UTP23: variants seen among roughly 807,000 people sequenced by gnomAD.
The protein encoded by UTP23 is rRNA-processing protein UTP23 homolog.
In UTP23, 10 loss-of-function variants were observed where a neutral mutation model predicts 19.8. The ratio of observed to expected loss-of-function variants is 0.50; its 90% CI spans 0.31 to 0.86. UTP23 has a LOEUF of 0.86. Ranked by LOEUF, UTP23 falls within the 40% of genes least tolerant of loss-of-function variation. The pLI is 0.05. For synonymous variants in UTP23, 108 were observed against 105.4 expected (o/e 1.02, Z -0.15); for missense variants, 282 against 293.1 (o/e 0.96, Z 0.28).
Position 116,772,112 on chromosome 8 carries a change from G to A in UTP23, c.*270G>A. The A allele has an allele frequency of 9.3e-7, 1 of 1,078,152 alleles. No individual in the cohort carries two copies. The highest frequency in any genetic ancestry group is 1.1e-6 in the Non-Finnish European group (1 of 887,366). The allele number at this position is 1,078,152 out of a possible 1,614,324, so 66.8% of individuals were successfully genotyped here. On this transcript the variant is annotated 3_prime_UTR_variant, in exon 3 of 3. Coordinates refer to ENST00000309822, the MANE Select transcript of UTP23 (RefSeq NM_032334.3). Reference sequence around the variant, plus strand: ...CATGAGAATCGCTTGAACCTGGGAGGCAGAGATTGCAGTGAGCCCAGTTCG... The same window carrying A: ...CATGAGAATCGCTTGAACCTGGGAGACAGAGATTGCAGTGAGCCCAGTTCG...
rs762720478 is a variant in UTP23 at position 116,770,384 on chromosome 8, AC to A, written c.363+20del. Reference sequence around the variant, plus strand: ...CAACACAGGTGATACTACTTTTAAAACCACAGGCAATTTTCACCATTTCTAT... The same window carrying A: ...CAACACAGGTGATACTACTTTTAAAACACAGGCAATTTTCACCATTTCTAT... On this transcript the variant is annotated intron_variant, in intron 2 of 2. Transcript: ENST00000309822. The A allele has an allele frequency of 1.9e-6, 3 of 1,576,592 alleles. No homozygotes were observed. The South Asian group carries it at 3.5e-5, about 18-fold the overall frequency.
Position 116,772,831 on chromosome 8 carries a change from T to C in UTP23, c.*989T>C. 1 of 985,438 alleles carries C rather than the reference T, an allele frequency of 1.0e-6. No individual in the cohort carries two copies. Among genetic ancestry groups the C allele is most frequent in the Non-Finnish European group, 1.2e-6 (1 of 829,928 alleles). 61.0% of individuals were successfully genotyped at this position (985,438 alleles called of 1,614,324 possible). A position where few individuals can be genotyped will look rare whatever the true frequency, so the allele number is the denominator to read the frequency against. ...TCTCTGAATTCCCCCGGCAATTGTT[T>C]TAGTCATTTATCAGGCCAAAATTAA... On this transcript the variant is annotated 3_prime_UTR_variant, in exon 3 of 3. Coordinates refer to ENST00000309822, the MANE Select transcript of UTP23 (RefSeq NM_032334.3).
Position 116,774,500 on chromosome 8 carries a change from C to A in UTP23, c.*2658C>A. On this transcript the variant is annotated 3_prime_UTR_variant, in exon 3 of 3. Coordinates refer to ENST00000309822, the MANE Select transcript of UTP23 (RefSeq NM_032334.3). ...GTTTGCTTACTATCTATATATATGA[C>A]ATTATTCCCAATTAGTTTTATATCT... is the stretch of plus-strand genomic sequence containing the variant. The A allele has an allele frequency of 1.2e-6, 1 of 860,998 alleles. No individual in the cohort carries two copies. Among genetic ancestry groups the A allele is most frequent in the Non-Finnish European group, 1.4e-6 (1 of 717,388 alleles). The allele number at this position is 860,998 out of a possible 1,614,324, so 53.3% of individuals were successfully genotyped here. A position where few individuals can be genotyped will look rare whatever the true frequency, so the allele number is the denominator to read the frequency against.
At position 116,770,243 on chromosome 8, in the gene UTP23, A is replaced by G. The variant is rs574991380; in HGVS notation, c.240A>G (p.Lys80=). 1.2e-6 allele frequency: 2 copies of G among 1,614,070 alleles called. No homozygotes were observed. The highest frequency in any genetic ancestry group is 2.2e-5 in the East Asian group (1 of 44,854). The change falls in exon 2 of 3, where the codon AAA becomes AAG. Residue 80 remains lysine (K), a synonymous_variant. Transcript: ENST00000309822. ...TGGGAAAGGACTTATATGGGGCAAA[A>G]CTGATTGCACAAAAATGCCAAGTTC... ...ETLGKDLYGA[K]LIAQKCQVRN...
Position 116,766,651 on chromosome 8 carries a change from C to T in UTP23, c.48C>T (p.Phe16=), listed in dbSNP as rs768707825. 6.2e-7 allele frequency: 1 copy of T among 1,613,300 alleles called. No individual in the cohort carries two copies. The highest frequency in any genetic ancestry group is 8.5e-7 in the Non-Finnish European group (1 of 1,179,766). Residue 16 remains phenylalanine (F), a synonymous_variant, in exon 1 of 3, where the codon TTC becomes TTT. Transcript: ENST00000309822. ...ATGCCAAGAAGCATCTTGGCTTCTT[C>T]CGCAACAACTTCGGAGTCCGCGAGC... The part of the protein sequence containing the change: ...QKHAKKHLGF[F]RNNFGVREPY...
At position 116,771,894 on chromosome 8, in the gene UTP23, A is replaced by G. The variant is rs1815661742; in HGVS notation, c.*52A>G. 1 of 1,490,708 alleles carries G rather than the reference A, an allele frequency of 6.7e-7. No individual in the cohort carries two copies. Among genetic ancestry groups the G allele is most frequent in the African/African-American group, 1.4e-5 (1 of 70,734 alleles). 92.3% of individuals were successfully genotyped at this position (1,490,708 alleles called of 1,614,324 possible). A position where few individuals can be genotyped will look rare whatever the true frequency, so the allele number is the denominator to read the frequency against. On this transcript the variant is annotated 3_prime_UTR_variant, in exon 3 of 3. Coordinates refer to ENST00000309822, the MANE Select transcript of UTP23 (RefSeq NM_032334.3). ...CAAATGTGAAAATGAATTTTTTACA[A>G]CTAGAAGTATTTATAATAAAAGACC...
rs143499667 is a variant in UTP23, at chr8:116,767,546, G to T, written c.188+755G>T. Among the ~76,000 whole-genome samples, 300 of 152,308 alleles carry T rather than the reference G, an allele frequency of 2.0e-3. 1 individual carries two copies. The highest frequency in any genetic ancestry group is 6.9e-3 in the African/African-American group (287 of 41,566). ...GTCGGGATGAAGAGGAGAGAGGAGA[G>T]AATTGTGACAGATTTCAGATAACAT... On this transcript the variant is annotated intron_variant, in intron 1 of 2. Coordinates refer to ENST00000309822, the MANE Select transcript of UTP23 (RefSeq NM_032334.3).
chr8:116,774,486 A>T lies in UTP23; in HGVS notation c.*2644A>T, dbSNP rs1177729671. 1 of 911,906 alleles carries T rather than the reference A, an allele frequency of 1.1e-6. No homozygotes were observed. Among genetic ancestry groups the T allele is most frequent in the African/African-American group, 1.8e-5 (1 of 55,634 alleles). The allele number at this position is 911,906 out of a possible 1,614,324, so 56.5% of individuals were successfully genotyped here. A position where few individuals can be genotyped will look rare whatever the true frequency, so the allele number is the denominator to read the frequency against. ...ATGTTTTAAAAAATGTTTGCTTACT[A>T]TCTATATATATGACATTATTCCCAA... On this transcript the variant is annotated 3_prime_UTR_variant, in exon 3 of 3. Transcript: ENST00000309822.
At position 116,772,415 on chromosome 8, in the gene UTP23, C is replaced by T; in HGVS notation, c.*573C>T. On this transcript the variant is annotated 3_prime_UTR_variant, in exon 3 of 3. Coordinates refer to ENST00000309822, the MANE Select transcript of UTP23 (RefSeq NM_032334.3). Reference sequence around the variant, plus strand: ...ACAGAAGAAACTTCCTCTTTCAATTCTAGTAGTTGAAGAATTTATATTTCC... The same window carrying T: ...ACAGAAGAAACTTCCTCTTTCAATTTTAGTAGTTGAAGAATTTATATTTCC... 2.1e-6 allele frequency: 2 copies of T among 949,310 alleles called. No homozygotes were observed. The highest frequency in any genetic ancestry group is 2.5e-6 in the Non-Finnish European group (2 of 797,112). 58.8% of individuals were successfully genotyped at this position (949,310 alleles called of 1,614,324 possible). A position where few individuals can be genotyped will look rare whatever the true frequency, so the allele number is the denominator to read the frequency against.
intron 2 of UTP23, 107 bp from the exon 3 acceptor site, chr8:116,771,349 A>AAAAAT: frequency 1.0e-6 from 1 of 997,784 alleles, no homozygotes; most frequent in East Asian, 2.9e-5. Context: ...TACTCATTTG[A>AAAAAT]AAAATAAAAT....
intron 1 of UTP23, among the ~76,000 whole-genome samples, chr8:116,768,087 T>C (rs118149734): frequency 0.027 from 4,071 of 152,290 alleles, 82 homozygotes; most frequent in Non-Finnish European, 0.045. Context: ...ATGGGCTTTT[T>C]CTGTGTATAC....
chr8:116,770,141 T>C, intron 1 of UTP23, 51 bp from the exon 2 acceptor site: 4 of 1,447,340 alleles, frequency 2.8e-6, no homozygotes, highest in Non-Finnish European at 3.7e-6. Flanking sequence ...TATTGTTTTT[T>C]ACACCTTATG....
intron 1 of UTP23, among the ~76,000 whole-genome samples, chr8:116,767,190 C>T (rs1362803616): frequency 6.6e-6 from 1 of 152,172 alleles, no homozygotes; most frequent in Non-Finnish European, 1.5e-5. Context: ...TGTACTAGAG[C>T]ATTTTTCGGT....
rs142937612 is a variant in UTP23 at position 116,769,273 on chromosome 8, C to G, written c.189-919C>G. Among the ~76,000 whole-genome samples, 15 of 152,170 alleles carry G rather than the reference C, an allele frequency of 9.9e-5. No individual in the cohort carries two copies. In the East Asian group the frequency reaches 2.7e-3, roughly 27 times the overall value. ...TTGTTTAATCAAGAAGTAAGGGGAG[C>G]CTAAACCTGGGAGAGGAAAGGCAGG... On this transcript the variant is annotated intron_variant, in intron 1 of 2. Transcript: ENST00000309822.
In UTP23 at chr8:116,772,744, C is replaced by G. The variant is rs1815675836; in HGVS notation, c.*902C>G. 2 of 985,286 alleles carry G rather than the reference C, an allele frequency of 2.0e-6. No homozygotes were observed. The highest frequency in any genetic ancestry group is 2.4e-6 in the Non-Finnish European group (2 of 829,870). The allele number at this position is 985,286 out of a possible 1,614,324, so 61.0% of individuals were successfully genotyped here. Reference sequence around the variant, plus strand: ...GACTGTGAATGTTATTGAAAAGTGTCTAAATTAGTCTGAGGATCAATGAGG... The same window carrying G: ...GACTGTGAATGTTATTGAAAAGTGTGTAAATTAGTCTGAGGATCAATGAGG... On this transcript the variant is annotated 3_prime_UTR_variant, in exon 3 of 3. Coordinates refer to ENST00000309822, the MANE Select transcript of UTP23 (RefSeq NM_032334.3).
At position 116,773,664 on chromosome 8, in the gene UTP23, G is replaced by A; in HGVS notation, c.*1822G>A. ...GTCTGTACTAAAAATACAAAAATTA[G>A]CTGGGTGTGGTGGTGTGCGCCTGTA... On this transcript the variant is annotated 3_prime_UTR_variant, in exon 3 of 3. Transcript: ENST00000309822. 3.2e-6 allele frequency: 1 copy of A among 310,722 alleles called. No homozygotes were observed. Among genetic ancestry groups the A allele is most frequent in the Non-Finnish European group, 4.7e-6 (1 of 213,314 alleles). 19.2% of individuals were successfully genotyped at this position (310,722 alleles called of 1,614,324 possible).
chr8:116,768,947 G>A (rs1177751855), intron 1 of UTP23, among the ~76,000 whole-genome samples: 2 of 152,204 alleles, frequency 1.3e-5, no homozygotes, highest in African/African-American at 4.8e-5. Flanking sequence ...TTACAGGCAT[G>A]AGCCACCATG....
rs1166540536 is a variant in UTP23, at chr8:116,771,775, G to GAA, written c.687_688dup (p.Arg230LysfsTer54). The GAA allele has an allele frequency of 1.9e-5, 31 of 1,605,412 alleles. No homozygotes were observed. Among genetic ancestry groups the GAA allele is most frequent in the Non-Finnish European group, 2.5e-5 (29 of 1,178,200 alleles). Reference sequence around the variant, plus strand: ...TCTGCTTCTGAAAAGAAAAGAAAAAGAAAAAGAATTCGGAACAGATCTAAC... The same window carrying GAA: ...TCTGCTTCTGAAAAGAAAAGAAAAAGAAAAAAAGAATTCGGAACAGATCTAAC... On this transcript the variant is annotated frameshift_variant, in exon 3 of 3. Transcript: ENST00000309822. LOFTEE classifies it high-confidence loss of function.
Position 116,766,630 on chromosome 8 carries a change from C to A in UTP23, c.27C>A (p.Ala9=), listed in dbSNP as rs139901817. Residue 9 remains alanine (A), a synonymous_variant, in exon 1 of 3, where the codon GCC becomes GCA. Transcript: ENST00000309822. MKITRQKH[A]KKHLGFFRNN... ...TGAAGATCACAAGGCAGAAACATGC[C>A]AAGAAGCATCTTGGCTTCTTCCGCA... is the stretch of plus-strand genomic sequence containing the variant. 2 of 1,613,006 alleles carry A rather than the reference C, an allele frequency of 1.2e-6. No individual in the cohort carries two copies. The highest frequency in any genetic ancestry group is 1.7e-6 in the Non-Finnish European group (2 of 1,179,776).
Sources: allele counts gnomAD v4.1 joint callset (sites outside exome capture counted in the v4.1 genomes callset), GRCh38; gene constraint gnomAD v4.1.1; transcripts MANE v1.5; gene names NCBI Gene and HGNC (gene_info 2026-07-23, HGNC 2026-07-21).